Variants in MYT1L observed in about 807,000 individuals in gnomAD.
MYT1L encodes the protein myelin transcription factor 1-like protein.
Under a neutral mutation model 126.7 loss-of-function variants are expected in MYT1L, and 12 were observed. The observed-to-expected ratio is 0.09, with a 90% CI of 0.06 to 0.15. The LOEUF is 0.15. Among genes scored for constraint, MYT1L ranks in the 10% least tolerant of loss-of-function variants. The pLI is 1.00. For missense variants in MYT1L, 979 were observed against 1,585.2 expected (o/e 0.62, Z 6.49); for synonymous variants, 541 against 604.2 (o/e 0.90, Z 1.53).
chr2:2,317,860 T>A (rs1372172059), intron 1 of MYT1L, among the ~76,000 whole-genome samples: 2 of 152,032 alleles, frequency 1.3e-5, no homozygotes, highest in Non-Finnish European at 2.9e-5. Flanking sequence ...GTGCCCTTAG[T>A]TAAAAATCTA....
At chr2:2,142,639 C>T (rs904440931) in intron 3 of MYT1L, among the ~76,000 whole-genome samples, 1 of 152,136 alleles carries the variant, frequency 6.6e-6, no homozygotes, top group Non-Finnish European at 1.5e-5. Context: ...TCTGTTCCCA[C>T]TGCCTTGTGA....
chr2:1,870,752 G>C (rs1250099427), intron 18 of MYT1L, among the ~76,000 whole-genome samples: 1 of 152,202 alleles, frequency 6.6e-6, no homozygotes, highest in Non-Finnish European at 1.5e-5. Context: ...AACATTGTTT[G>C]CTACTCCAGT....
rs11695745 is a variant in MYT1L at position 2,019,539 on chromosome 2, T to G, written c.-157-22192A>C. On this transcript the variant is annotated intron_variant, in intron 4 of 24. Coordinates refer to ENST00000647738, the MANE Select transcript of MYT1L (RefSeq NM_001303052.2). ...GGCCCTAACCCCAAGTCCACTTATCTCAAGTGATACATAAATATATTCTCA... is the reference window on the plus strand; with the variant it reads ...GGCCCTAACCCCAAGTCCACTTATCGCAAGTGATACATAAATATATTCTCA... Among the ~76,000 whole-genome samples, 243 of 152,310 alleles carry G rather than the reference T, an allele frequency of 1.6e-3. 1 individual carries two copies. Among genetic ancestry groups the G allele is most frequent in the African/African-American group, 5.6e-3 (231 of 41,570 alleles).
At chr2:2,019,690 C>A (rs1054399398) in intron 4 of MYT1L, among the ~76,000 whole-genome samples, 5 of 152,216 alleles carry the variant, frequency 3.3e-5, no homozygotes, top group African/African-American at 1.2e-4. Flanking sequence ...TACATGCATG[C>A]ATGCACACAT....
At chr2:1,897,194 G>T (rs141178335) in intron 14 of MYT1L, among the ~76,000 whole-genome samples, 31 of 152,312 alleles carry the variant, frequency 2.0e-4, no homozygotes, top group Middle Eastern at 3.4e-3. Flanking sequence ...AGTTAAAATT[G>T]CTCAGGAAAG....
intron 3 of MYT1L, among the ~76,000 whole-genome samples, chr2:2,088,988 T>A (rs889917250): frequency 9.2e-5 from 14 of 152,230 alleles, no homozygotes; most frequent in Non-Finnish European, 4.4e-5. Context: ...GTATCATTTC[T>A]GTTAAGTTTT....
intron 10 of MYT1L, among the ~76,000 whole-genome samples, chr2:1,920,372 A>G (rs79896091): frequency 0.046 from 7,002 of 152,302 alleles, 232 homozygotes; most frequent in Non-Finnish European, 0.059. Context: ...AGGGACCAAG[A>G]AACCAAAGAA....
At chr2:2,209,764 C>A (rs953535750) in intron 2 of MYT1L, among the ~76,000 whole-genome samples, 1 of 152,172 alleles carries the variant, frequency 6.6e-6, no homozygotes, top group African/African-American at 2.4e-5. Flanking sequence ...CACGGGAGAG[C>A]AGATATCTCT....
chr2:2,122,769 GT>G (rs2147912395), intron 3 of MYT1L, among the ~76,000 whole-genome samples: 2 of 152,046 alleles, frequency 1.3e-5, no homozygotes, highest in South Asian at 4.2e-4. Flanking sequence ...TCAGTGGAGG[GT>G]TCTGTCTCTG....
At chr2:2,061,018 T>G (rs1411761415) in intron 3 of MYT1L, among the ~76,000 whole-genome samples, 2 of 152,166 alleles carry the variant, frequency 1.3e-5, no homozygotes, top group South Asian at 4.1e-4. Context: ...CATTTTACTG[T>G]AAATTGTTTT....
intron 21 of MYT1L, among the ~76,000 whole-genome samples, chr2:1,829,566 C>CTCCCATGCACCTGTGAACTGACCT (rs1558678594): frequency 1.0e-5 from 1 of 96,628 alleles, no homozygotes; most frequent in African/African-American, 7.8e-5. Context: ...TGAACTGACC[C>CTCCCATGCACCTGTGAACTGACCT]TCCCATGCAC....
intron 4 of MYT1L, among the ~76,000 whole-genome samples, chr2:2,050,172 A>C (rs2068671607): frequency 6.6e-6 from 1 of 152,216 alleles, no homozygotes; most frequent in Admixed American, 6.5e-5. Flanking sequence ...TACAAAAAAA[A>C]GAACAAATTT....
intron 4 of MYT1L, among the ~76,000 whole-genome samples, chr2:2,014,640 T>C (rs1019797394): frequency 5.3e-5 from 8 of 152,228 alleles, no homozygotes; most frequent in African/African-American, 1.9e-4. Flanking sequence ...CTCTGATTCA[T>C]AATCTGAGTG....
intron 2 of MYT1L, among the ~76,000 whole-genome samples, chr2:2,260,520 G>A (rs1427802868): frequency 6.6e-6 from 1 of 152,102 alleles, no homozygotes; most frequent in African/African-American, 2.4e-5. Context: ...ATTTTGCAAG[G>A]CTGATAGCAG....
intron 2 of MYT1L, among the ~76,000 whole-genome samples, chr2:2,199,177 T>C (rs1270577115): frequency 6.6e-6 from 1 of 152,228 alleles, no homozygotes; most frequent in Non-Finnish European, 1.5e-5. Context: ...AACATTGTCC[T>C]TAATAACAAA....
chr2:1,886,922 T>C (rs563928812), intron 17 of MYT1L: 1 of 400,884 alleles, frequency 2.5e-6, no homozygotes, highest in South Asian at 1.3e-4. Context: ...TAAATTAGCA[T>C]GCTTTTGAAG....
intron 4 of MYT1L, among the ~76,000 whole-genome samples, chr2:2,022,050 T>G (rs540019779): frequency 6.6e-6 from 1 of 151,980 alleles, no homozygotes; most frequent in Admixed American, 6.6e-5. Context: ...GGGTCGGGAG[T>G]CTGCAAGGAC....
intron 1 of MYT1L, among the ~76,000 whole-genome samples, chr2:2,299,558 G>A (rs1030137314): frequency 6.6e-6 from 1 of 152,214 alleles, no homozygotes; most frequent in Non-Finnish European, 1.5e-5. Context: ...CTCAAGATAC[G>A]CAACTAGAGG....
chr2:1,986,175 T>C (rs1408933162), intron 5 of MYT1L, among the ~76,000 whole-genome samples: 4 of 152,240 alleles, frequency 2.6e-5, no homozygotes, highest in Non-Finnish European at 4.4e-5. Flanking sequence ...CTTGGTCAGC[T>C]ACATTGTTAA....
Sources: allele counts gnomAD v4.1 joint callset (sites outside exome capture counted in the v4.1 genomes callset), GRCh38; gene constraint gnomAD v4.1.1; transcripts MANE v1.5; gene names NCBI Gene and HGNC (gene_info 2026-07-23, HGNC 2026-07-21).